The following WEE2 variants were observed in gnomAD, a reference collection of about 807,000 sequenced individuals.
WEE2 encodes the protein wee1-like protein kinase 2.
In WEE2, 50 loss-of-function variants were observed where a neutral mutation model predicts 60.1. The observed-to-expected ratio is 0.83, with a 90% CI of 0.66 to 1.05. The LOEUF is 1.05. Among genes scored for constraint, WEE2 ranks in the 50% least tolerant of loss-of-function variants. The pLI is 0.00. For missense variants in WEE2, 631 were observed against 684.3 expected, an observed-to-expected ratio of 0.92 and a Z score of 0.87; for synonymous variants, 240 against 241.0, an observed-to-expected ratio of 1.00 and a Z score of 0.04.
intron 3 of WEE2, among the ~76,000 whole-genome samples, chr7:141,716,887 A>G (rs1173882181): frequency 6.6e-6 from 1 of 152,194 alleles, no homozygotes; most frequent in Non-Finnish European, 1.5e-5. Context: ...AATGTTCACA[A>G]TCTTTGATCC....
In WEE2 at chr7:141,725,083, G is replaced by A. The variant is rs199740774; in HGVS notation, c.1279G>A (p.Ala427Thr). 3.0e-5 allele frequency: 49 copies of A among 1,614,038 alleles called. No homozygotes were observed. In the African/African-American group the frequency reaches 6.5e-4, roughly 22 times the overall value. Residue 427 changes from alanine (A) to threonine (T), a missense_variant, in exon 9 of 12, where the codon GCT becomes ACT. Physicochemically the swap from Ala to Thr is moderately conservative, Grantham distance 58 (BLOSUM62 0). Transcript: ENST00000397541. ...IFALGLTIAVAAGAESLPTNG... is the reference protein window; with the variant it reads ...IFALGLTIAVTAGAESLPTNG... ...TGCCTTGGGATTAACAATTGCAGTG[G>A]CTGCAGGAGCAGAGTCATTGCCCAC...
At chr7:141,715,164 G>C (rs1433331218) in intron 2 of WEE2, among the ~76,000 whole-genome samples, 1 of 152,196 alleles carries the variant, frequency 6.6e-6, no homozygotes, top group African/African-American at 2.4e-5. Flanking sequence ...TCTTTGACCA[G>C]AATAGGTTCT....
In WEE2 at chr7:141,719,182, G is replaced by C. The variant is rs1798859568; in HGVS notation, c.696G>C (p.Arg232Ser). 6.2e-7 allele frequency: 1 copy of C among 1,613,944 alleles called. No individual in the cohort carries two copies. The highest frequency in any genetic ancestry group is 8.5e-7 in the Non-Finnish European group (1 of 1,179,914). Residue 232 changes from arginine to serine, a missense_variant, in exon 4 of 12, where the codon AGG (arginine) becomes AGC (serine). By Grantham distance (110) the Arg-to-Ser change is moderately radical (BLOSUM62 -1). Transcript: ENST00000397541. The part of the protein sequence containing the change: ...EFGTVYKCIK[R>S]LDGCVYAIKR... ...GTACAGTCTACAAGTGCATTAAGAG[G>C]CTGGATGGATGTGTTTATGCAATAA...
At chr7:141,727,682 C>A in intron 10 of WEE2, 3 of 481,156 alleles carry the variant, frequency 6.2e-6, no homozygotes, top group African/African-American at 1.9e-5. Context: ...ACAAAGGAAG[C>A]AAGAGTGAGG....
chr7:141,715,560 C>T (rs1040955633), intron 2 of WEE2, among the ~76,000 whole-genome samples: 1 of 152,116 alleles, frequency 6.6e-6, no homozygotes, highest in African/African-American at 2.4e-5. Flanking sequence ...ATCCAGAATA[C>T]AAGTATGCAT....
In WEE2 at chr7:141,725,075, TTGCAGTGGC is replaced by T. The variant is rs1428717858; in HGVS notation, c.1277_1285del (p.Val426_Ala428del). 1.9e-6 allele frequency: 3 copies of T among 1,614,050 alleles called. No homozygotes were observed. The African/African-American group carries it at 4.0e-5, about 22-fold the overall frequency. On this transcript the variant is annotated inframe_deletion, in exon 9 of 12. Transcript: ENST00000397541. ...GACATATTTGCCTTGGGATTAACAA[TTGCAGTGGC>T]TGCAGGAGCAGAGTCATTGCCCACC...
chr7:141,709,777 A>G (rs985568060), intron 1 of WEE2, among the ~76,000 whole-genome samples: 1 of 152,174 alleles, frequency 6.6e-6, no homozygotes, highest in Non-Finnish European at 1.5e-5. Flanking sequence ...AAGAGTCCCT[A>G]GTAGCATATT....
Position 141,719,284 on chromosome 7 carries a change from T to C in WEE2, c.758+40T>C, listed in dbSNP as rs544988168. ...AATGCACTAAAAATATAAACTTAGA[T>C]TTGGAGAGTTGTTTCTTGTCAAATT... On this transcript the variant is annotated intron_variant, in intron 4 of 11. Transcript: ENST00000397541. 6.6e-6 allele frequency: 10 copies of C among 1,519,632 alleles called. No individual in the cohort carries two copies. The Admixed American group carries it at 8.2e-5, about 13-fold the overall frequency. The allele number at this position is 1,519,632 out of a possible 1,614,324, so 94.1% of individuals were successfully genotyped here.
chr7:141,714,493 G>A (rs1237515006), intron 2 of WEE2, 88 bp downstream of exon 2: 20 of 1,025,632 alleles, frequency 2.0e-5, no homozygotes, highest in Middle Eastern at 3.2e-4. Flanking sequence ...GATTAGGAAC[G>A]AGAACTCTAT....
Position 141,730,372 on chromosome 7 carries a change from T to C in WEE2, c.*52T>C, listed in dbSNP as rs1352667832. ...TTTGGCCTATGGATTACGAGGTTGC[T>C]GTTGCTGATTCCCCACCAAAGATCC... On this transcript the variant is annotated 3_prime_UTR_variant, in exon 12 of 12. Transcript: ENST00000397541. 1.3e-6 allele frequency: 2 copies of C among 1,544,522 alleles called. No individual in the cohort carries two copies. Among genetic ancestry groups the C allele is most frequent in the Non-Finnish European group, 8.9e-7 (1 of 1,120,500 alleles).
intron 10 of WEE2, chr7:141,727,686 A>G (rs2117125821): frequency 2.1e-6 from 1 of 480,228 alleles, no homozygotes; most frequent in South Asian, 4.1e-5. Context: ...AGGAAGCAAG[A>G]GTGAGGAATA....
chr7:141,714,621 T>C (rs1462055801), intron 2 of WEE2, among the ~76,000 whole-genome samples: 2 of 152,214 alleles, frequency 1.3e-5, no homozygotes, highest in African/African-American at 4.8e-5. Context: ...GTAGATGCTT[T>C]CTCTATAAAA....
intron 3 of WEE2, 78 bp downstream of exon 3, chr7:141,716,345 C>G: frequency 1.5e-6 from 2 of 1,301,806 alleles, no homozygotes. Flanking sequence ...CTCCCCTTCT[C>G]CCTCTCTCTC....
intron 6 of WEE2, among the ~76,000 whole-genome samples, chr7:141,723,615 A>T (rs960743742): frequency 6.6e-6 from 1 of 152,210 alleles, no homozygotes; most frequent in African/African-American, 2.4e-5. Flanking sequence ...TGCACTGATT[A>T]AAGAGAAATG....
chr7:141,721,360 T>G (rs965050211), intron 5 of WEE2, among the ~76,000 whole-genome samples: 2 of 152,174 alleles, frequency 1.3e-5, no homozygotes, highest in African/African-American at 4.8e-5. Flanking sequence ...TTAAGCAACA[T>G]CCAGGCTGGT....
At chr7:141,718,959 C>T in intron 3 of WEE2, 113 bp from the exon 4 acceptor site, 3 of 945,106 alleles carry the variant, frequency 3.2e-6, no homozygotes, top group Admixed American at 2.3e-5. Flanking sequence ...ATTGCAGTCA[C>T]CTCAAAAGTC....
Position 141,714,386 on chromosome 7 carries a change from AG to A in WEE2, c.522del (p.Ile176Ter). On this transcript the variant is annotated frameshift_variant, in exon 2 of 12. Coordinates refer to ENST00000397541, the MANE Select transcript of WEE2 (RefSeq NM_001105558.1). LOFTEE classifies it high-confidence loss of function. The part of the protein sequence containing the change: ...KKLFLQSGGK[R>X]KIRGDLEEAG... ...ATTATTTCTTCAATCTGGTGGCAAG[AG>A]GAAAATAAGAGGAGATCTGTAAGTG... The A allele has an allele frequency of 6.2e-7, 1 of 1,611,264 alleles. No homozygotes were observed.
Position 141,730,535 on chromosome 7 carries a change from T to A in WEE2, c.*215T>A, listed in dbSNP as rs1799121667. 1 of 510,338 alleles carries A rather than the reference T, an allele frequency of 2.0e-6. No homozygotes were observed. 31.6% of individuals were successfully genotyped at this position (510,338 alleles called of 1,614,324 possible). A position where few individuals can be genotyped will look rare whatever the true frequency, so the allele number is the denominator to read the frequency against. On this transcript the variant is annotated 3_prime_UTR_variant, in exon 12 of 12. Transcript: ENST00000397541. ...CCTAAGAGAGAATTCCCAGCTTCTTTGAGGAAGTGGGTCTCCTAATGTATA... is the reference window on the plus strand; with the variant it reads ...CCTAAGAGAGAATTCCCAGCTTCTTAGAGGAAGTGGGTCTCCTAATGTATA...
At chr7:141,716,181 TATTA>T in intron 2 of WEE2, 37 bp from the exon 3 acceptor site, 1 of 1,548,488 alleles carries the variant, frequency 6.5e-7, no homozygotes, top group East Asian at 2.4e-5. Flanking sequence ...CCTCAATAAA[TATTA>T]ATTATATATT....
Sources: gnomAD v4.1 joint callset for allele counts (sites outside exome capture counted in the v4.1 genomes callset) on GRCh38, gnomAD v4.1.1 for gene constraint, MANE v1.5 for transcripts, NCBI Gene and HGNC (gene_info 2026-07-23, HGNC 2026-07-21) for gene names.